MTERF4: variants seen among roughly 807,000 people sequenced by gnomAD.
MTERF4 encodes transcription termination factor 4, mitochondrial.
In MTERF4, 17 loss-of-function variants were observed where a neutral mutation model predicts 22.5. That is an observed-to-expected ratio of 0.75 (90% CI 0.52 to 1.13). The LOEUF (loss-of-function observed/expected upper bound fraction) is 1.13. MTERF4 is among the 50% of genes most tolerant of loss of function. MTERF4 has a pLI of 0.00. For synonymous variants in MTERF4, 165 were observed against 175.3 expected (o/e 0.94, Z 0.47); for missense variants, 420 against 466.8 (o/e 0.90, Z 0.92).
chr2:241,073,412 C>A lies in MTERF4; in HGVS notation n.2750G>T. The A allele has an allele frequency of 6.8e-7, 1 of 1,461,612 alleles. No homozygotes were observed. The highest frequency in any genetic ancestry group is 9.4e-7 in the Non-Finnish European group (1 of 1,065,262). 90.5% of individuals were successfully genotyped at this position (1,461,612 alleles called of 1,614,324 possible). A position where few individuals can be genotyped will look rare whatever the true frequency, so the allele number is the denominator to read the frequency against. ...GACTTTGGGACTGACTGACTGCTCT[C>A]AGGGGCCTTAGAGGCTGCAGGCAGG... On this transcript the variant is annotated non_coding_transcript_exon_variant, in exon 5 of 5. Transcript: ENST00000464344. This position sits in a 1 kb window ranked among gnomAD's most constrained non-coding sequence, Gnocchi z 6.6.
chr2:241,097,108 C>G, intron 3 of MTERF4, 135 bp downstream of exon 3: 1 of 1,070,944 alleles, frequency 9.3e-7, no homozygotes, highest in South Asian at 1.6e-5. Context: ...ACCTTCACTA[C>G]ATTTGAAAAA....
downstream of MTERF4, among the ~76,000 whole-genome samples, chr2:241,083,856 A>C (rs904291877): frequency 3.9e-5 from 6 of 151,926 alleles, no homozygotes; most frequent in African/African-American, 1.5e-4. Context: ...ACCATTTACT[A>C]CCTTCCACAT....
At chr2:241,089,935 A>G (rs908629514), downstream of MTERF4, 11 of 1,538,604 alleles carry the variant, frequency 7.1e-6, no homozygotes, top group African/African-American at 1.5e-4. Context: ...CTAAACGTAG[A>G]AAACCTACAG....
At chr2:241,063,669 T>C in the MTERF4 span, 2 of 1,611,524 alleles carry the variant, frequency 1.2e-6, no homozygotes, top group Non-Finnish European at 1.7e-6. Flanking sequence ...GCCGGTGCCC[T>C]GCAGGCTTCG....
chr2:241,085,688 T>A (rs1171054934), downstream of MTERF4, among the ~76,000 whole-genome samples: 2 of 151,414 alleles, frequency 1.3e-5, no homozygotes, highest in Non-Finnish European at 2.9e-5. Context: ...TTTATGTTAC[T>A]GACGCTGGAT....
At chr2:241,071,707 A>AATGCCCCCCC, downstream of MTERF4, 1 of 805,488 alleles carries the variant, frequency 1.2e-6, no homozygotes, top group Non-Finnish European at 1.8e-6. Context: ...CGAGACCCCC[A>AATGCCCCCCC]CCCAGCCCCC....
the MTERF4 span, chr2:241,051,541 G>A: frequency 8.9e-6 from 4 of 449,316 alleles, no homozygotes; most frequent in South Asian, 1.7e-4. This position sits in a 1 kb window ranked among gnomAD's most constrained non-coding sequence, Gnocchi z 4.7. Flanking sequence ...CTGTGACTGA[G>A]TTGGGGTCTC....
At chr2:241,060,464 G>A in the MTERF4 span, among the ~76,000 whole-genome samples, 5 of 152,118 alleles carry the variant, frequency 3.3e-5, no homozygotes, top group Non-Finnish European at 7.3e-5. Context: ...TTACAGGCGC[G>A]AGCCACCATG....
downstream of MTERF4, chr2:241,088,300 G>T: frequency 8.7e-7 from 1 of 1,155,802 alleles, no homozygotes. Context: ...CTGGACTGAG[G>T]TAGCTGTAGA....
At chr2:241,070,251 T>A, downstream of MTERF4, 1 of 1,536,574 alleles carries the variant, frequency 6.5e-7, no homozygotes, top group Admixed American at 1.9e-5. Context: ...TTGCCAGCCC[T>A]CCACCCTGTT....
At chr2:241,049,363 A>G in the MTERF4 span, among the ~76,000 whole-genome samples, 1 of 152,232 alleles carries the variant, frequency 6.6e-6, no homozygotes, top group Non-Finnish European at 1.5e-5. Context: ...CTGCAAGTAT[A>G]CAAACACCAT....
rs2064412002 is a variant in MTERF4, at chr2:241,096,211, C to G, written c.933G>C (p.Glu311Asp). The G allele has an allele frequency of 6.2e-7, 1 of 1,614,060 alleles. No individual in the cohort carries two copies. The highest frequency in any genetic ancestry group is 1.3e-5 in the African/African-American group (1 of 74,916). Residue 311 changes from glutamate (E) to aspartate (D), a missense_variant, in exon 4 of 4, where the codon GAG becomes GAC. Transcript: ENST00000391980. The surrounding 1 kb of genome is among the most constrained non-coding windows in gnomAD (Gnocchi z 5.1). ...GGAGCTTCTTAAAAACTTGAAACTC[C>G]TCAACAGAAGTACAGGCTGTCCTGG... is the stretch of plus-strand genomic sequence containing the variant. ...FLARTACTSV[E>D]EFQVFKKLLA...
chr2:241,102,052 A>AC (rs2064735597), intron 1 of MTERF4: 1 of 473,840 alleles, frequency 2.1e-6, no homozygotes, highest in Non-Finnish European at 3.1e-6. Flanking sequence ...ACTTTGTCTC[A>AC]AAAAAAAAAA....
chr2:241,057,948 C>T, the MTERF4 span, among the ~76,000 whole-genome samples: 7 of 152,058 alleles, frequency 4.6e-5, no homozygotes, highest in South Asian at 1.5e-3. Context: ...AAGAACATGG[C>T]AAATATTAAG....
the MTERF4 span, chr2:241,051,251 G>C: frequency 6.5e-6 from 1 of 153,836 alleles, no homozygotes. This position sits in a 1 kb window ranked among gnomAD's most constrained non-coding sequence, Gnocchi z 4.7. Context: ...GCACAGGCCC[G>C]GCCGTCTGAG....
the MTERF4 span, chr2:241,062,798 T>A: frequency 6.2e-7 from 1 of 1,608,846 alleles, no homozygotes; most frequent in Non-Finnish European, 8.5e-7. Flanking sequence ...CAGAAATCGA[T>A]GAGTGCCGGT....
intron 1 of MTERF4, among the ~76,000 whole-genome samples, chr2:241,100,933 A>C (rs564321419): frequency 3.3e-5 from 5 of 152,130 alleles, no homozygotes; most frequent in African/African-American, 1.2e-4. Flanking sequence ...GTTGACCTCA[A>C]AAGTCTTCAG....
chr2:241,096,390 C>A lies in MTERF4; in HGVS notation c.754G>T (p.Glu252Ter). ...GIKHPDIVKSEYLQYSLTKIK... is the reference protein window; with the variant it reads ...GIKHPDIVKS ...TTGGTTAGTGAATACTGCAAGTACTCACTCTTTACAATGTCTGGATGCTTA... is the reference window on the plus strand; with the variant it reads ...TTGGTTAGTGAATACTGCAAGTACTAACTCTTTACAATGTCTGGATGCTTA... Residue 252 changes from glutamate (E) to a stop codon, truncating the protein, a stop_gained, in exon 4 of 4, where the codon GAG becomes TAG. Transcript: ENST00000391980. LOFTEE classifies it low-confidence loss of function (END_TRUNC). This position sits in a 1 kb window ranked among gnomAD's most constrained non-coding sequence, Gnocchi z 5.1. 1 of 1,614,192 alleles carries A rather than the reference C, an allele frequency of 6.2e-7. No homozygotes were observed. The highest frequency in any genetic ancestry group is 8.5e-7 in the Non-Finnish European group (1 of 1,180,044).
the MTERF4 span, chr2:241,049,681 C>A: frequency 1.5e-6 from 1 of 647,272 alleles, no homozygotes; most frequent in Non-Finnish European, 2.8e-6. Flanking sequence ...AAGATGCCCA[C>A]AGAGTGTATT....
Sources: allele counts gnomAD v4.1 joint callset (sites outside exome capture counted in the v4.1 genomes callset), GRCh38; gene constraint gnomAD v4.1.1; non-coding constraint Gnocchi (gnomAD v3.1); transcripts MANE v1.5; gene names NCBI Gene and HGNC (gene_info 2026-07-23, HGNC 2026-07-21).